MED12L: variants seen among roughly 807,000 people sequenced by gnomAD.
MED12L encodes the protein mediator of RNA polymerase II transcription subunit 12-like protein.
A neutral mutation model predicts 281.3 loss-of-function variants in MED12L; 60 were observed. The ratio of observed to expected loss-of-function variants is 0.21; its 90% CI spans 0.17 to 0.26. The LOEUF (loss-of-function observed/expected upper bound fraction) is 0.26. Ranked by LOEUF, MED12L falls within the 10% of genes least tolerant of loss-of-function variation. The pLI is 1.00. For synonymous variants in MED12L, 974 were observed against 987.2 expected, an observed-to-expected ratio of 0.99 and a Z score of 0.25; for missense variants, 2,146 against 2,680.9, an observed-to-expected ratio of 0.80 and a Z score of 4.41.
intron 16 of MED12L, among the ~76,000 whole-genome samples, chr3:151,343,826 T>A (rs915039182): frequency 4.6e-5 from 7 of 152,182 alleles, no homozygotes; most frequent in Non-Finnish European, 8.8e-5. Flanking sequence ...CAAATGGGAT[T>A]ACTCTGAAAC....
chr3:151,303,913 A>ATAC (rs1402835626), intron 16 of MED12L, among the ~76,000 whole-genome samples: 1 of 152,196 alleles, frequency 6.6e-6, no homozygotes, highest in Non-Finnish European at 1.5e-5. Flanking sequence ...AATAATAATA[A>ATAC]TAATGTCATG....
chr3:151,271,006 T>C (rs527466752), intron 16 of MED12L, among the ~76,000 whole-genome samples: 254 of 141,046 alleles, frequency 1.8e-3, no homozygotes, highest in Non-Finnish European at 2.7e-3. Context: ...TGTGTACACA[T>C]ACCCAAAAAC....
chr3:151,400,418 C>T (rs148260537), intron 39 of MED12L, among the ~76,000 whole-genome samples: 213 of 152,244 alleles, frequency 1.4e-3, no homozygotes, highest in African/African-American at 4.9e-3. Context: ...GATCATTAAT[C>T]ATAAGGATTT....
At chr3:151,335,689 A>G (rs368193433) in intron 16 of MED12L, among the ~76,000 whole-genome samples, 1 of 152,206 alleles carries the variant, frequency 6.6e-6, no homozygotes. Context: ...GGCATGTTTT[A>G]TGTATAATGA....
rs540309067 is a variant in MED12L, at chr3:151,289,201, G to A, written c.2251-60858G>A. Among the ~76,000 whole-genome samples, 9 of 152,274 alleles carry A rather than the reference G, an allele frequency of 5.9e-5. No homozygotes were observed. In the East Asian group the frequency reaches 1.5e-3, roughly 26 times the overall value. ...ATGCTGTTAGATGAACTTAATGAAG[G>A]CAAAGTTATTAACATCTACAGGGAA... On this transcript the variant is annotated intron_variant, in intron 16 of 44. Transcript: ENST00000687756.
intron 16 of MED12L, among the ~76,000 whole-genome samples, chr3:151,293,638 TACACACACACACAC>T (rs199892582): frequency 7.0e-4 from 70 of 99,746 alleles, no homozygotes; most frequent in Middle Eastern, 4.3e-3. Context: ...ATGAAGCCCT[TACACACACACACAC>T]ACACACACAC....
chr3:151,208,143 T>C (rs1170732358), intron 16 of MED12L, among the ~76,000 whole-genome samples: 1 of 152,218 alleles, frequency 6.6e-6, no homozygotes, highest in Non-Finnish European at 1.5e-5. Context: ...CCTAACTACT[T>C]TCATACTGTT....
intron 16 of MED12L, among the ~76,000 whole-genome samples, chr3:151,202,038 C>T (rs1725684409): frequency 6.6e-6 from 1 of 152,184 alleles, no homozygotes; most frequent in African/African-American, 2.4e-5. Flanking sequence ...ATATACCGTA[C>T]ATGAATAATT....
chr3:151,121,235 T>C (rs560952569), intron 3 of MED12L, among the ~76,000 whole-genome samples: 1 of 152,364 alleles, frequency 6.6e-6, no homozygotes, highest in Non-Finnish European at 1.5e-5. Context: ...TTGCACTTAA[T>C]TTATTCACTG....
intron 2 of MED12L, among the ~76,000 whole-genome samples, chr3:151,099,634 G>T (rs1370589062): frequency 6.6e-6 from 1 of 152,180 alleles, no homozygotes; most frequent in African/African-American, 2.4e-5. Context: ...CAGACAAATA[G>T]TTAAAATGTT....
At chr3:151,299,318 GTCTT>G (rs962422307) in intron 16 of MED12L, among the ~76,000 whole-genome samples, 15 of 147,802 alleles carry the variant, frequency 1.0e-4, no homozygotes, top group East Asian at 5.9e-4. Flanking sequence ...GCCTAGGTCG[GTCTT>G]TCTTTCTTTC....
chr3:151,301,657 A>C (rs1180462366), intron 16 of MED12L, among the ~76,000 whole-genome samples: 1 of 152,246 alleles, frequency 6.6e-6, no homozygotes, highest in East Asian at 1.9e-4. Context: ...GACACTGAAC[A>C]TCATCAGTCA....
intron 16 of MED12L, among the ~76,000 whole-genome samples, chr3:151,268,422 G>C (rs1328712143): frequency 6.6e-6 from 1 of 152,182 alleles, no homozygotes; most frequent in Non-Finnish European, 1.5e-5. Flanking sequence ...TCTGTGCTGA[G>C]TTAAACTGCT....
chr3:151,279,550 C>T (rs1010807660), intron 16 of MED12L, among the ~76,000 whole-genome samples: 1 of 152,200 alleles, frequency 6.6e-6, no homozygotes, highest in Non-Finnish European at 1.5e-5. Flanking sequence ...CGCCATTTCT[C>T]CCTGCCAGAG....
At chr3:151,360,130 C>T (rs16863336) in intron 20 of MED12L, among the ~76,000 whole-genome samples, 46,895 of 151,974 alleles carry the variant, frequency 0.31, 7,523 homozygotes, top group East Asian at 0.49. Context: ...ATTTGTGAAT[C>T]TGCGGAGGCA....
At chr3:151,222,060 G>A (rs1380807405) in intron 16 of MED12L, among the ~76,000 whole-genome samples, 1 of 152,206 alleles carries the variant, frequency 6.6e-6, no homozygotes, top group Non-Finnish European at 1.5e-5. Context: ...AGATCGTTTG[G>A]GAAGTTTACG....
chr3:151,355,798 G>C, intron 18 of MED12L, 98 bp from the exon 19 acceptor site: 1 of 1,035,358 alleles, frequency 9.7e-7, no homozygotes, highest in South Asian at 1.8e-5. Flanking sequence ...GTAGAATCAT[G>C]TATAGATTCA....
chr3:151,403,249 C>T (rs987948050), intron 39 of MED12L, among the ~76,000 whole-genome samples: 8 of 152,154 alleles, frequency 5.3e-5, no homozygotes, highest in African/African-American at 1.9e-4. Flanking sequence ...CCATCATATA[C>T]ATCTATGGTA....
intron 16 of MED12L, chr3:151,278,327 A>C (rs535573543): frequency 1.3e-5 from 2 of 152,254 alleles, no homozygotes; most frequent in Non-Finnish European, 2.9e-5. Context: ...TGCTTCACTC[A>C]TTTTGAAATA....
Sources: allele counts gnomAD v4.1 joint callset (sites outside exome capture counted in the v4.1 genomes callset), GRCh38; gene constraint gnomAD v4.1.1; transcripts MANE v1.5; gene names NCBI Gene and HGNC (gene_info 2026-07-23, HGNC 2026-07-21).